USP24: variants seen among roughly 807,000 people sequenced by gnomAD.
USP24 encodes ubiquitin specific peptidase 24.
USP24 carries 97 observed loss-of-function variants against 361.6 expected under a neutral mutation model. The observed-to-expected ratio is 0.27, with a 90% CI of 0.23 to 0.32. USP24 has a LOEUF of 0.32. Ranked by LOEUF, USP24 falls within the 10% of genes least tolerant of loss-of-function variation. The pLI is 1.00. For synonymous variants in USP24, 1,098 were observed against 1,124.6 expected (o/e 0.98, Z 0.47); for missense variants, 2,353 against 3,165.6 (o/e 0.74, Z 6.16).
At chr1:55,142,605 C>T in intron 23 of USP24, 137 bp downstream of exon 23, 1 of 641,358 alleles carries the variant, frequency 1.6e-6, no homozygotes, top group Non-Finnish European at 2.6e-6. Flanking sequence ...CCCTATGCCA[C>T]AATATGGTAC....
At chr1:55,203,484 C>T (rs900801085) in intron 1 of USP24, among the ~76,000 whole-genome samples, 10 of 152,194 alleles carry the variant, frequency 6.6e-5, no homozygotes, top group Admixed American at 3.3e-4. Context: ...ACTGCTAGTT[C>T]TGCTTACTGG....
chr1:55,068,171 GT>G lies in USP24; in HGVS notation c.*873del, dbSNP rs1336687037. ...TTTAAGACTACAGTTTATTCAATAT[GT>G]CTCCAAGCATTAAAAAGATAATTCT... On this transcript the variant is annotated 3_prime_UTR_variant, in exon 68 of 68. Coordinates refer to ENST00000294383, the MANE Select transcript of USP24 (RefSeq NM_015306.3). The G allele has an allele frequency of 2.6e-5, 4 of 152,316 alleles. No individual in the cohort carries two copies. Among genetic ancestry groups the G allele is most frequent in the Admixed American group, 2.6e-4 (4 of 15,306 alleles). 9.4% of individuals were successfully genotyped at this position (152,316 alleles called of 1,614,324 possible).
intron 31 of USP24, 132 bp from the exon 32 acceptor site, chr1:55,129,706 A>G: frequency 1.6e-6 from 1 of 606,678 alleles, no homozygotes; most frequent in Non-Finnish European, 2.8e-6. Flanking sequence ...CCCCAGAAAT[A>G]TGTAGAAGCT....
chr1:55,160,308 G>A (rs1363815368), intron 8 of USP24, among the ~76,000 whole-genome samples: 2 of 152,234 alleles, frequency 1.3e-5, no homozygotes, highest in Non-Finnish European at 2.9e-5. Flanking sequence ...TTAGCAATGA[G>A]CTAAAATGAC....
intron 16 of USP24, among the ~76,000 whole-genome samples, chr1:55,148,944 T>C (rs1647115648): frequency 6.6e-6 from 1 of 152,214 alleles, no homozygotes; most frequent in South Asian, 2.1e-4. Flanking sequence ...TGGATAACAC[T>C]GAACTGCATG....
chr1:55,083,085 C>T (rs917527668), intron 58 of USP24, among the ~76,000 whole-genome samples, 187 bp downstream of exon 58: 3 of 152,174 alleles, frequency 2.0e-5, no homozygotes, highest in Non-Finnish European at 4.4e-5. Flanking sequence ...TAGTAATTTC[C>T]ATGGGTTATT....
At chr1:55,175,407 T>C (rs1649881327) in intron 3 of USP24, among the ~76,000 whole-genome samples, 1 of 151,970 alleles carries the variant, frequency 6.6e-6, no homozygotes, top group Non-Finnish European at 1.5e-5. Context: ...TTTGCATTTT[T>C]AGTAGAGATA....
At chr1:55,202,647 C>T (rs1644606249) in intron 1 of USP24, among the ~76,000 whole-genome samples, 1 of 152,186 alleles carries the variant, frequency 6.6e-6, no homozygotes, top group African/African-American at 2.4e-5. Flanking sequence ...TCAGGTGATC[C>T]ACCTGCCTTG....
At chr1:55,141,472 TG>T in intron 24 of USP24, 143 bp downstream of exon 24, 1 of 734,640 alleles carries the variant, frequency 1.4e-6, no homozygotes, top group South Asian at 1.8e-5. Context: ...ATGGGGAACA[TG>T]TAATTCTCAG....
intron 42 of USP24, 132 bp from the exon 43 acceptor site, chr1:55,101,835 G>T: frequency 8.5e-7 from 1 of 1,173,948 alleles, no homozygotes. Flanking sequence ...AGCTATGCTG[G>T]CAAAACCTAT....
At chr1:55,189,984 G>C (rs1192308599) in intron 1 of USP24, among the ~76,000 whole-genome samples, 1 of 151,832 alleles carries the variant, frequency 6.6e-6, no homozygotes. Context: ...GACCAACATG[G>C]TGAAACCCCA....
chr1:55,211,938 T>C (rs1217565365), intron 1 of USP24, among the ~76,000 whole-genome samples: 1 of 152,278 alleles, frequency 6.6e-6, no homozygotes, highest in African/African-American at 2.4e-5. Context: ...GGATTAACTA[T>C]ATAATAGCTG....
intron 47 of USP24, 63 bp downstream of exon 47, chr1:55,097,880 A>T (rs897678082): frequency 6.5e-7 from 1 of 1,540,970 alleles, no homozygotes; most frequent in African/African-American, 1.4e-5. Context: ...TTTTACATAA[A>T]ACAAAGACGC....
In USP24 at chr1:55,155,022, AAC is replaced by A. The variant is rs370559660; in HGVS notation, c.1447-246_1447-245del. On this transcript the variant is annotated intron_variant, in intron 12 of 67. Transcript: ENST00000294383. Reference sequence around the variant, plus strand: ...CTTTAAACCGACAATGAAAAAAAAAAACCCCATGAGAATCAAGTTCTCAGTGT... The same window carrying A: ...CTTTAAACCGACAATGAAAAAAAAAACCCATGAGAATCAAGTTCTCAGTGT... 4.4e-3 allele frequency among the ~76,000 whole-genome samples: 671 copies of A among 152,192 alleles called. 2 individuals carry two copies. The highest frequency in any genetic ancestry group is 0.016 in the African/African-American group (649 of 41,502).
chr1:55,171,683 A>T lies in USP24; in HGVS notation c.703-5T>A. Reference sequence around the variant, plus strand: ...TTCATTATCAGGATTGAAAGCCTAGATTCAAAGAGAACAGAGAAACATTAT... The same window carrying T: ...TTCATTATCAGGATTGAAAGCCTAGTTTCAAAGAGAACAGAGAAACATTAT... On this transcript the variant is annotated splice_region_variant and splice_polypyrimidine_tract_variant and intron_variant, in intron 4 of 67. Coordinates refer to ENST00000294383, the MANE Select transcript of USP24 (RefSeq NM_015306.3). The T allele has an allele frequency of 6.3e-7, 1 of 1,599,940 alleles. No individual in the cohort carries two copies. Among genetic ancestry groups the T allele is most frequent in the Middle Eastern group, 1.7e-4 (1 of 6,040 alleles).
At chr1:55,069,152 AG>A in intron 67 of USP24, 45 bp from the exon 68 acceptor site, 7 of 1,604,310 alleles carry the variant, frequency 4.4e-6, no homozygotes, top group Non-Finnish European at 6.0e-6. Context: ...GTTAGAGAAA[AG>A]GTTTTCTATG....
At chr1:55,109,890 C>A (rs1211828557) in intron 39 of USP24, among the ~76,000 whole-genome samples, 1 of 152,138 alleles carries the variant, frequency 6.6e-6, no homozygotes, top group East Asian at 1.9e-4. Context: ...ACAGACTACA[C>A]CGGAGAGAAA....
chr1:55,129,709 T>C, intron 31 of USP24, 135 bp from the exon 32 acceptor site: 1 of 606,622 alleles, frequency 1.6e-6, no homozygotes, highest in East Asian at 2.9e-5. Context: ...CAGAAATATG[T>C]AGAAGCTGAT....
chr1:55,088,773 G>A (rs1365676273), intron 55 of USP24, among the ~76,000 whole-genome samples: 1 of 152,188 alleles, frequency 6.6e-6, no homozygotes, highest in Non-Finnish European at 1.5e-5. Context: ...GACAAGAGAA[G>A]CTGACTTGAT....
Sources: allele counts gnomAD v4.1 joint callset (sites outside exome capture counted in the v4.1 genomes callset), GRCh38; gene constraint gnomAD v4.1.1; transcripts MANE v1.5; gene names NCBI Gene and HGNC (gene_info 2026-07-23, HGNC 2026-07-21).